FNBP1: variants seen among roughly 807,000 people sequenced by gnomAD.
The protein encoded by FNBP1 is formin-binding protein 1.
A neutral mutation model predicts 90.6 loss-of-function variants in FNBP1; 26 were observed. That is an observed-to-expected ratio of 0.29 (90% CI 0.21 to 0.40). The LOEUF is 0.40. Ranked by LOEUF, FNBP1 falls within the 10% of genes least tolerant of loss-of-function variation. The pLI is 1.00. For missense variants in FNBP1, 635 were observed against 768.0 expected (o/e 0.83, Z 2.05); for synonymous variants, 260 against 265.2 (o/e 0.98, Z 0.19).
chr9:130,028,068 G>A (rs1044363501), intron 1 of FNBP1, among the ~76,000 whole-genome samples: 1 of 152,138 alleles, frequency 6.6e-6, no homozygotes, highest in African/African-American at 2.4e-5. Flanking sequence ...CCATGCCTGG[G>A]GGCATCACTT....
At chr9:129,978,716 C>T in intron 3 of FNBP1, 104 bp from the exon 4 acceptor site, 1 of 1,108,246 alleles carries the variant, frequency 9.0e-7, no homozygotes, top group Non-Finnish European at 1.3e-6. Flanking sequence ...TAATTGGCAT[C>T]CACCTCCCAT....
intron 3 of FNBP1, 132 bp downstream of exon 3, chr9:129,979,186 C>T (rs947220581): frequency 1.7e-5 from 10 of 571,560 alleles, no homozygotes; most frequent in African/African-American, 3.7e-5. Flanking sequence ...ATTGTTCTCT[C>T]CTCCAATTTA....
chr9:130,000,930 T>C (rs2131430854), intron 1 of FNBP1, among the ~76,000 whole-genome samples: 1 of 152,352 alleles, frequency 6.6e-6, no homozygotes, highest in Non-Finnish European at 1.5e-5. Context: ...CTCATCTTAC[T>C]ATACACACTA....
chr9:130,016,604 G>A (rs1331364090), intron 1 of FNBP1, among the ~76,000 whole-genome samples: 2 of 152,134 alleles, frequency 1.3e-5, no homozygotes, highest in East Asian at 1.9e-4. Flanking sequence ...TTAGCTGGGC[G>A]TGGTGGTGCA....
intron 8 of FNBP1, among the ~76,000 whole-genome samples, chr9:129,926,364 G>A (rs930405694): frequency 1.2e-4 from 19 of 152,154 alleles, no homozygotes; most frequent in Admixed American, 3.3e-4. Flanking sequence ...TGAGAAATAG[G>A]TCTCTAGGAA....
intron 6 of FNBP1, among the ~76,000 whole-genome samples, chr9:129,943,925 A>G (rs553049173): frequency 0.038 from 5,260 of 139,130 alleles, 93 homozygotes; most frequent in South Asian, 0.072. Context: ...CCTGGGAAGC[A>G]GAGCTTGCAG....
chr9:129,900,420 C>G lies in FNBP1; in HGVS notation c.1550+6G>C. On this transcript the variant is annotated splice_donor_region_variant and intron_variant, in intron 14 of 16. Coordinates refer to ENST00000446176, the MANE Select transcript of FNBP1 (RefSeq NM_015033.3). This position sits in a 1 kb window ranked among gnomAD's most constrained non-coding sequence, Gnocchi z 4.1. ...GCCAGAGGCAGGCGCTGTGCAGATA[C>G]TGTACCTCTCACGGTCCTGGGCGCA... is the stretch of plus-strand genomic sequence containing the variant. 6.3e-7 allele frequency: 1 copy of G among 1,576,634 alleles called. No homozygotes were observed. Among genetic ancestry groups the G allele is most frequent in the Non-Finnish European group, 8.6e-7 (1 of 1,164,580 alleles).
In FNBP1 at chr9:129,952,895, C is replaced by T. The variant is rs187835618; in HGVS notation, c.513+4465G>A. ...TTTACATATTAACTCAGTTAATATT[C>T]GCATCAATCCTGTTCCTCAGTGTCC... On this transcript the variant is annotated intron_variant, in intron 6 of 16. Transcript: ENST00000446176. Among the ~76,000 whole-genome samples the T allele has an allele frequency of 4.1e-4, 63 of 152,192 alleles. 2 individuals are homozygous for T. The highest frequency in any genetic ancestry group is 3.8e-3 in the Admixed American group (58 of 15,286).
intron 2 of FNBP1, among the ~76,000 whole-genome samples, chr9:129,993,755 G>A (rs2131289676): frequency 6.6e-6 from 1 of 151,784 alleles, no homozygotes; most frequent in South Asian, 2.1e-4. Flanking sequence ...CTCCCAAGTA[G>A]CTGGGATTAC....
chr9:129,916,097 A>C, intron 10 of FNBP1, 117 bp from the exon 11 acceptor site: 1 of 715,634 alleles, frequency 1.4e-6, no homozygotes. Context: ...CCATATTAAA[A>C]TAACACACAC....
chr9:130,040,929 A>G (rs1156801363), intron 1 of FNBP1, among the ~76,000 whole-genome samples: 2 of 151,940 alleles, frequency 1.3e-5, no homozygotes, highest in Non-Finnish European at 2.9e-5. Context: ...AAGCAAATAT[A>G]AGATTTCATA....
upstream of FNBP1, chr9:130,045,113 T>TCCC (rs2060052123): frequency 6.6e-6 from 1 of 152,148 alleles, no homozygotes; most frequent in African/African-American, 2.4e-5. Context: ...GTTACAACCC[T>TCCC]CCCTTCCTGC....
intron 10 of FNBP1, 51 bp downstream of exon 10, chr9:129,923,793 A>G (rs369963756): frequency 4.5e-5 from 67 of 1,502,402 alleles, no homozygotes; most frequent in Non-Finnish European, 5.8e-5. Flanking sequence ...TGCAGAACCA[A>G]ACATGCAACC....
In FNBP1 at chr9:129,900,718, A is replaced by G. The variant is rs568548110; in HGVS notation, c.1429-171T>C. Reference sequence around the variant, plus strand: ...AATGTGAGGAAGTCCACGTGGGGGCAGAATGGCCACGTTTTCTGCCTTCGA... The same window carrying G: ...AATGTGAGGAAGTCCACGTGGGGGCGGAATGGCCACGTTTTCTGCCTTCGA... On this transcript the variant is annotated intron_variant, in intron 13 of 16. Transcript: ENST00000446176. The surrounding 1 kb of genome is among the most constrained non-coding windows in gnomAD (Gnocchi z 4.1). Among the ~76,000 whole-genome samples the G allele has an allele frequency of 6.6e-6, 1 of 152,376 alleles. No individual in the cohort carries two copies. The highest frequency in any genetic ancestry group is 2.4e-5 in the African/African-American group (1 of 41,596).
intron 6 of FNBP1, among the ~76,000 whole-genome samples, chr9:129,938,614 A>G (rs937828436): frequency 2.6e-5 from 4 of 151,326 alleles, no homozygotes; most frequent in African/African-American, 9.7e-5. Flanking sequence ...ACTGAAATAG[A>G]AGGAGAGAAT....
intron 12 of FNBP1, among the ~76,000 whole-genome samples, chr9:129,905,403 C>T (rs1398588364): frequency 6.6e-6 from 1 of 151,622 alleles, no homozygotes; most frequent in Non-Finnish European, 1.5e-5. Context: ...CCTCTGCCTC[C>T]CGGGTTCAAG....
In FNBP1 at chr9:130,005,857, G is replaced by A. The variant is rs561083910; in HGVS notation, c.25-10899C>T. On this transcript the variant is annotated intron_variant, in intron 1 of 16. Coordinates refer to ENST00000446176, the MANE Select transcript of FNBP1 (RefSeq NM_015033.3). ...TAGAAGGTTTATTTCAAGGATCACA[G>A]ATACCTTATGTTTTGACAATAGGAG... is the stretch of plus-strand genomic sequence containing the variant. 2.6e-5 allele frequency among the ~76,000 whole-genome samples: 4 copies of A among 152,286 alleles called. No individual in the cohort carries two copies. The South Asian group carries it at 8.3e-4, about 32-fold the overall frequency.
rs773835071 is a variant in FNBP1, at chr9:129,890,683, G to A, written c.1847-137C>T. 1.5e-6 allele frequency: 1 copy of A among 681,440 alleles called. No homozygotes were observed. The highest frequency in any genetic ancestry group is 2.7e-6 in the Non-Finnish European group (1 of 370,740). 42.2% of individuals were successfully genotyped at this position (681,440 alleles called of 1,614,324 possible). A position where few individuals can be genotyped will look rare whatever the true frequency, so the allele number is the denominator to read the frequency against. ...GTAGTGGGAGGGGAGGGATGGGAGGGGGCGTCTTAGAGCAATCGGTTACCA... is the reference window on the plus strand; with the variant it reads ...GTAGTGGGAGGGGAGGGATGGGAGGAGGCGTCTTAGAGCAATCGGTTACCA... On this transcript the variant is annotated intron_variant, in intron 16 of 16. Transcript: ENST00000446176. This position sits in a 1 kb window ranked among gnomAD's most constrained non-coding sequence, Gnocchi z 5.8.
At chr9:130,022,787 C>T (rs1386317824) in intron 1 of FNBP1, among the ~76,000 whole-genome samples, 1 of 152,134 alleles carries the variant, frequency 6.6e-6, no homozygotes, top group East Asian at 1.9e-4. Flanking sequence ...GATCATCCCA[C>T]CTCACCCTCC....
Sources: allele counts gnomAD v4.1 joint callset (sites outside exome capture counted in the v4.1 genomes callset), GRCh38; gene constraint gnomAD v4.1.1; non-coding constraint Gnocchi (gnomAD v3.1); transcripts MANE v1.5; gene names NCBI Gene and HGNC (gene_info 2026-07-23, HGNC 2026-07-21).